LTBP4: variants seen among roughly 807,000 people sequenced by gnomAD.
LTBP4 encodes the protein latent transforming growth factor beta binding protein 4, also known as latent-transforming growth factor beta-binding protein 4.
In LTBP4, 93 loss-of-function variants were observed where a neutral mutation model predicts 180.2. That is an observed-to-expected ratio of 0.52 (90% confidence interval 0.44 to 0.61). The LOEUF (loss-of-function observed/expected upper bound fraction) is 0.61, where lower values mean the gene tolerates loss of function less well. Among genes scored for constraint, LTBP4 ranks in the 20% least tolerant of loss-of-function variants. LTBP4 has a pLI of 0.00. For synonymous variants in LTBP4, 947 were observed against 934.5 expected (o/e 1.01, Z -0.24); for missense variants, 2,116 against 2,256.5 (o/e 0.94, Z 1.26).
chr19:40,595,433 CT>C (rs1406982015), intron 1 of LTBP4, among the ~76,000 whole-genome samples: 1 of 136,368 alleles, frequency 7.3e-6, no homozygotes, highest in Admixed American at 7.6e-5. Context: ...GGCTCTGCCC[CT>C]GACCCACAGG....
At chr19:40,612,981 C>A in intron 15 of LTBP4, 84 bp from the exon 16 acceptor site, 1 of 1,416,890 alleles carries the variant, frequency 7.1e-7, no homozygotes, top group Non-Finnish European at 9.7e-7. Flanking sequence ...CTTCCCACCA[C>A]CTCCCCCAGA....
intron 1 of LTBP4, among the ~76,000 whole-genome samples, chr19:40,595,244 G>A (rs1423615235): frequency 1.3e-5 from 2 of 152,168 alleles, no homozygotes; most frequent in African/African-American, 2.4e-5. Context: ...AAGCTCTGAG[G>A]GTGGTGCCTT....
At chr19:40,612,263 A>G (rs2081513369) in intron 15 of LTBP4, 71 bp downstream of exon 15, 6 of 1,504,676 alleles carry the variant, frequency 4.0e-6, no homozygotes, top group East Asian at 2.5e-5. Context: ...GATCACAACT[A>G]TGACCTGGCC....
chr19:40,606,556 G>A (rs1456319445), intron 6 of LTBP4, 30 bp downstream of exon 6: 27 of 1,548,646 alleles, frequency 1.7e-5, no homozygotes, highest in South Asian at 2.4e-5. Flanking sequence ...CTGAGGCTGG[G>A]TCCCGCCCTC....
intron 1 of LTBP4, among the ~76,000 whole-genome samples, chr19:40,593,671 G>A (rs2081377248): frequency 1.3e-5 from 2 of 148,622 alleles, no homozygotes; most frequent in Non-Finnish European, 3.0e-5. Context: ...GTGGTGTTTT[G>A]TAATGCTCAC....
chr19:40,621,908 C>G (rs11668582), intron 22 of LTBP4, among the ~76,000 whole-genome samples: 1 of 151,978 alleles, frequency 6.6e-6, no homozygotes, highest in Admixed American at 6.5e-5. Flanking sequence ...CCACCACACC[C>G]GGCTAATTTT....
At chr19:40,600,782 G>A (rs900811467), upstream of LTBP4, among the ~76,000 whole-genome samples, 3 of 151,782 alleles carry the variant, frequency 2.0e-5, no homozygotes, top group Non-Finnish European at 4.4e-5. The surrounding 1 kb of genome is among the most constrained non-coding windows in gnomAD (Gnocchi z 4.4). Flanking sequence ...GACTTCTCCC[G>A]CCAGGTGTGG....
Position 40,612,133 on chromosome 19 carries a change from G to A in LTBP4, c.2240G>A (p.Gly747Asp), listed in dbSNP as rs753793657. ...GGGCAGGAGTGTGTGAACTCGCCCGGCTCCTTCCAGTGCAGGACCTGTCCT... is the reference window on the plus strand; with the variant it reads ...GGGCAGGAGTGTGTGAACTCGCCCGACTCCTTCCAGTGCAGGACCTGTCCT... ...CPGQECVNSP[G>D]SFQCRTCPSG... Residue 747 changes from glycine to aspartate, a missense_variant, in exon 15 of 30, where the codon GGC (glycine) becomes GAC (aspartate). Coordinates refer to ENST00000396819, the MANE Select transcript of LTBP4 (RefSeq NM_001042545.2). 1 of 1,613,296 alleles carries A rather than the reference G, an allele frequency of 6.2e-7. No homozygotes were observed. Among genetic ancestry groups the A allele is most frequent in the Non-Finnish European group, 8.5e-7 (1 of 1,179,670 alleles).
rs2081448927 is a variant in LTBP4 at position 40,605,087 on chromosome 19, C to A, written c.303C>A (p.Arg101=). 6.2e-7 allele frequency: 1 copy of A among 1,613,802 alleles called. No homozygotes were observed. Among genetic ancestry groups the A allele is most frequent in the African/African-American group, 1.3e-5 (1 of 74,924 alleles). The change falls in exon 2 of 30, where the codon CGC becomes CGA. Residue 101 remains arginine, a synonymous_variant. Coordinates refer to ENST00000396819, the MANE Select transcript of LTBP4 (RefSeq NM_001042545.2). This position sits in a 1 kb window ranked among gnomAD's most constrained non-coding sequence, Gnocchi z 5.5. ...HNGGVCVKPD[R]CLCPPDFAGK... is the part of the protein sequence containing the mutation. ...GCGGTGTGTGCGTGAAGCCTGACCG[C>A]TGCCTCTGTCCCCCGGACTTCGCTG...
chr19:40,627,828 G>A lies in LTBP4; in HGVS notation c.4490G>A (p.Arg1497His). The A allele has an allele frequency of 6.4e-7, 1 of 1,569,852 alleles. No homozygotes were observed. Among genetic ancestry groups the A allele is most frequent in the Non-Finnish European group, 8.6e-7 (1 of 1,163,752 alleles). ...ACCTGCCGTTGCTTCGACGGCTACC[G>A]CCTGGACATGACCCGCATGGCCTGC... is the stretch of plus-strand genomic sequence containing the variant. ...GFTCRCFDGY[R>H]LDMTRMACVD... is the part of the protein sequence containing the mutation. Residue 1497 changes from arginine (R) to histidine (H), a missense_variant, in exon 29 of 30, where the codon CGC (arginine) becomes CAC (histidine). By Grantham distance (29) the Arg-to-His change is conservative. Around this residue, in one of 5 missense-constraint regions of LTBP4, gnomAD observed 488 missense variants for 458.8 expected, o/e 1.06. Coordinates refer to ENST00000396819, the MANE Select transcript of LTBP4 (RefSeq NM_001042545.2).
chr19:40,614,085 G>T, intron 18 of LTBP4, 47 bp downstream of exon 18: 1 of 1,601,554 alleles, frequency 6.2e-7, no homozygotes, highest in South Asian at 1.1e-5. Flanking sequence ...TCGACTCCCC[G>T]ACTCGCCGAT....
At chr19:40,610,903 A>C in intron 12 of LTBP4, 2 of 718,450 alleles carry the variant, frequency 2.8e-6, no homozygotes, top group Non-Finnish European at 4.5e-6. Context: ...TGGAGATGTC[A>C]GTAATCGGGT....
rs1568414596 is a variant in LTBP4 at position 40,625,303 on chromosome 19, TATATATATATATA to T, written c.3833-553_3833-541del. On this transcript the variant is annotated intron_variant, in intron 26 of 29. Transcript: ENST00000396819. ...ATATATATATATATATATATATATA[TATATATATATATA>T]TTTTTTTTTTTAAAGATGGGTTTTT... 8.4e-3 allele frequency among the ~76,000 whole-genome samples: 175 copies of T among 20,814 alleles called. 34 individuals are homozygous for T. Among genetic ancestry groups the T allele is most frequent in the Middle Eastern group, 0.015 (1 of 68 alleles). The allele number at this position is 20,814 out of a possible 152,430, so 13.7% of individuals were successfully genotyped here. A position where few individuals can be genotyped will look rare whatever the true frequency, so the allele number is the denominator to read the frequency against.
In LTBP4 at chr19:40,605,672, G is replaced by C. The variant is rs751303162; in HGVS notation, c.690+20G>C. ...GGCGAAGTGAGAGGAGGCCCGTGGG[G>C]AGGGGCCCGGAGCTTGCCTCCGCGC... On this transcript the variant is annotated intron_variant, in intron 3 of 29. Transcript: ENST00000396819. This position sits in a 1 kb window ranked among gnomAD's most constrained non-coding sequence, Gnocchi z 5.5. 17 of 1,551,440 alleles carry C rather than the reference G, an allele frequency of 1.1e-5. No homozygotes were observed. In the South Asian group the frequency reaches 1.9e-4, roughly 17 times the overall value.
Position 40,622,587 on chromosome 19 carries a change from C to T in LTBP4, c.3404C>T (p.Thr1135Ile). The T allele has an allele frequency of 6.2e-7, 1 of 1,613,766 alleles. No homozygotes were observed. Reference sequence around the variant, plus strand: ...GACAACATCCTGGCTCGGAATGTGACATGGCAGGAGTGCTGCTGTACTGTG... The same window carrying T: ...GACAACATCCTGGCTCGGAATGTGATATGGCAGGAGTGCTGCTGTACTGTG... ...ACDNILARNVTWQECCCTVGE... is the reference protein window; with the variant it reads ...ACDNILARNVIWQECCCTVGE... The change falls in exon 23 of 30, where the codon ACA (threonine) becomes ATA (isoleucine). Residue 1135 changes from threonine to isoleucine, a missense_variant. Coordinates refer to ENST00000396819, the MANE Select transcript of LTBP4 (RefSeq NM_001042545.2). This position sits in a 1 kb window ranked among gnomAD's most constrained non-coding sequence, Gnocchi z 5.1.
Position 40,613,555 on chromosome 19 carries a change from C to A in LTBP4, c.2557+26C>A. 2 of 1,556,338 alleles carry A rather than the reference C, an allele frequency of 1.3e-6. No homozygotes were observed. Among genetic ancestry groups the A allele is most frequent in the Non-Finnish European group, 8.7e-7 (1 of 1,152,430 alleles). On this transcript the variant is annotated intron_variant, in intron 17 of 29. Coordinates refer to ENST00000396819, the MANE Select transcript of LTBP4 (RefSeq NM_001042545.2). This position sits in a 1 kb window ranked among gnomAD's most constrained non-coding sequence, Gnocchi z 5.0. Reference sequence around the variant, plus strand: ...GTTCGTACCCGGGCTGATCCTGGCCCCGGAAAGGGTGGGCTTAGGGCAGGA... The same window carrying A: ...GTTCGTACCCGGGCTGATCCTGGCCACGGAAAGGGTGGGCTTAGGGCAGGA...
Position 40,606,541 on chromosome 19 carries a change from G to C in LTBP4, c.991+15G>C, listed in dbSNP as rs758056055. The C allele has an allele frequency of 1.3e-6, 2 of 1,557,124 alleles. No homozygotes were observed. The highest frequency in any genetic ancestry group is 1.7e-6 in the Non-Finnish European group (2 of 1,151,542). ...CAGCTGCATCTGTGAGCAACCAGCA[G>C]GGAGCTGAGGCTGGGTCCCGCCCTC... On this transcript the variant is annotated intron_variant, in intron 6 of 29. Transcript: ENST00000396819.
At chr19:40,607,602 C>A in intron 7 of LTBP4, 73 bp downstream of exon 7, 1 of 1,458,748 alleles carries the variant, frequency 6.9e-7, no homozygotes, top group Non-Finnish European at 9.1e-7. Context: ...ACCCTCCAAC[C>A]CTGAGTTCAC....
Position 40,609,667 on chromosome 19 carries a change from C to T in LTBP4, c.1558+6C>T. The T allele has an allele frequency of 6.2e-7, 1 of 1,612,702 alleles. No individual in the cohort carries two copies. The highest frequency in any genetic ancestry group is 8.5e-7 in the Non-Finnish European group (1 of 1,179,358). ...CCAGGGCACCCGATGCATTGGTGAG[C>T]AAGACGGAGGGCGCGGAAGGAGGCG... On this transcript the variant is annotated splice_donor_region_variant and intron_variant, in intron 10 of 29. Coordinates refer to ENST00000396819, the MANE Select transcript of LTBP4 (RefSeq NM_001042545.2). This position sits in a 1 kb window ranked among gnomAD's most constrained non-coding sequence, Gnocchi z 4.9.
Sources: gnomAD v4.1 joint callset for allele counts (sites outside exome capture counted in the v4.1 genomes callset) on GRCh38, gnomAD v4.1.1 for gene constraint, gnomAD v4.1.1 regional missense constraint, Gnocchi (gnomAD v3.1) non-coding constraint, MANE v1.5 for transcripts, NCBI Gene and HGNC (gene_info 2026-07-23, HGNC 2026-07-21) for gene names.